The following FAM204A variants were observed in gnomAD, a reference collection of about 807,000 sequenced individuals.
The protein encoded by FAM204A is family with sequence similarity 204 member A, also known as protein FAM204A.
A neutral mutation model predicts 35.4 loss-of-function variants in FAM204A; 16 were observed. The observed-to-expected ratio is 0.45, with a 90% CI of 0.31 to 0.69. FAM204A has a LOEUF of 0.69. FAM204A is among the 30% of genes least tolerant of loss of function. The probability of loss-of-function intolerance (pLI) is 0.07; values close to 1 mark genes in which losing one functional copy is unlikely to be tolerated. For missense variants in FAM204A, 240 were observed against 265.7 expected, an observed-to-expected ratio of 0.90 and a Z score of 0.67; for synonymous variants, 76 against 86.9, an observed-to-expected ratio of 0.88 and a Z score of 0.70.
chr10:118,334,996 T>C, intron 6 of FAM204A, 118 bp downstream of exon 6: 1 of 663,300 alleles, frequency 1.5e-6, no homozygotes, highest in African/African-American at 1.8e-5. Flanking sequence ...AGCACCCTTT[T>C]TGGTATGCAG....
In FAM204A at chr10:118,335,598, G is replaced by C. The variant is rs1218893328; in HGVS notation, c.278C>G (p.Thr93Arg). ...LHKKHSEQKS[T>R]TSRFRGKRRK... Reference sequence around the variant, plus strand: ...TCTTTTCCCTCTGAATCTTGAGGTTGTGCTTTTCTGTTCAGAATGTTTTTT... The same window carrying C: ...TCTTTTCCCTCTGAATCTTGAGGTTCTGCTTTTCTGTTCAGAATGTTTTTT... Residue 93 changes from threonine (T) to arginine (R), a missense_variant, in exon 4 of 9, where the codon ACA (threonine) becomes AGA (arginine). Physicochemically the swap from Thr to Arg is moderately conservative, Grantham distance 71. Around this residue, in one of 2 missense-constraint regions of FAM204A, gnomAD observed 232 missense variants for 242.8 expected, o/e 0.96. Transcript: ENST00000369183. The C allele has an allele frequency of 1.2e-6, 2 of 1,610,754 alleles. No homozygotes were observed. The highest frequency in any genetic ancestry group is 2.7e-5 in the African/African-American group (2 of 74,818).
rs1233946470 is a variant in FAM204A, at chr10:118,301,464, G to C, written c.*9393C>G. The C allele has an allele frequency of 1.3e-5, 2 of 152,196 alleles. No homozygotes were observed. Among genetic ancestry groups the C allele is most frequent in the Admixed American group, 1.3e-4 (2 of 15,288 alleles). The allele number at this position is 152,196 out of a possible 1,614,324, so 9.4% of individuals were successfully genotyped here. A position where few individuals can be genotyped will look rare whatever the true frequency, so the allele number is the denominator to read the frequency against. On this transcript the variant is annotated 3_prime_UTR_variant, in exon 9 of 9. Transcript: ENST00000369183. ...TGTATACTGCATGACTTTCATTCAA[G>C]AACAGGAACTCTGAGTTAGGAAACC... is the stretch of plus-strand genomic sequence containing the variant.
intron 6 of FAM204A, among the ~76,000 whole-genome samples, chr10:118,327,653 G>A (rs531234249): frequency 6.6e-6 from 1 of 152,310 alleles, no homozygotes; most frequent in South Asian, 2.1e-4. Context: ...ATGCACTTCA[G>A]AAATCTATAC....
chr10:118,335,478 A>G (rs747192543), intron 4 of FAM204A, 52 bp from the exon 5 acceptor site: 72 of 1,596,642 alleles, frequency 4.5e-5, no homozygotes, highest in East Asian at 6.7e-5. Context: ...TTTCAAAACC[A>G]TATTTTAAAA....
In FAM204A at chr10:118,326,228, T is replaced by A; in HGVS notation, c.469A>T (p.Arg157Trp). 1 of 1,613,456 alleles carries A rather than the reference T, an allele frequency of 6.2e-7. No homozygotes were observed. The highest frequency in any genetic ancestry group is 1.1e-5 in the South Asian group (1 of 90,974). The change falls in exon 7 of 9, where the codon AGG becomes TGG. Residue 157 changes from arginine (R) to tryptophan (W), a missense_variant. Arg to Trp is a moderately radical substitution (Grantham distance 101). Transcript: ENST00000369183. ...KKVEKSGLEK[R>W]IDQAVEEWNI... Reference sequence around the variant, plus strand: ...CACTCCTCCACAGCCTGGTCTATCCTCTTTTCAAGGCCTGACTAGAAAAAA... The same window carrying A: ...CACTCCTCCACAGCCTGGTCTATCCACTTTTCAAGGCCTGACTAGAAAAAA...
At chr10:118,339,439 G>A (rs1245114596) in intron 2 of FAM204A, among the ~76,000 whole-genome samples, 1 of 152,144 alleles carries the variant, frequency 6.6e-6, no homozygotes, top group Non-Finnish European at 1.5e-5. Flanking sequence ...CTCTATAAGT[G>A]TCTCTTACTT....
Position 118,335,421 on chromosome 10 carries a change from A to G in FAM204A, c.328T>C (p.Leu110=), listed in dbSNP as rs754662914. The G allele has an allele frequency of 1.9e-6, 3 of 1,594,752 alleles. No homozygotes were observed. The highest frequency in any genetic ancestry group is 1.4e-5 in the African/African-American group (1 of 74,028). ...CTATGTAATTCTTTTTCATTCTTCAATTTATCTGAAAAGAATTCACAAAGT... is the reference window on the plus strand; with the variant it reads ...CTATGTAATTCTTTTTCATTCTTCAGTTTATCTGAAAAGAATTCACAAAGT... ...KRRKRSRKDK[L]KNEKELHSEP... Residue 110 remains leucine, a synonymous_variant, in exon 5 of 9, where the codon TTG becomes CTG. Coordinates refer to ENST00000369183, the MANE Select transcript of FAM204A (RefSeq NM_022063.3).
chr10:118,324,160 C>T (rs1846162225), intron 7 of FAM204A, among the ~76,000 whole-genome samples: 1 of 151,982 alleles, frequency 6.6e-6, no homozygotes, highest in Admixed American at 6.6e-5. Context: ...AAGCTATACT[C>T]AGTGAATCAA....
chr10:118,339,997 G>C (rs1015998089), intron 2 of FAM204A, among the ~76,000 whole-genome samples: 6 of 152,292 alleles, frequency 3.9e-5, no homozygotes, highest in Non-Finnish European at 8.8e-5. Context: ...ATCAAAAACA[G>C]GGTACAGTTC....
chr10:118,320,557 T>C (rs538333958), intron 7 of FAM204A, among the ~76,000 whole-genome samples: 7 of 150,904 alleles, frequency 4.6e-5, no homozygotes, highest in South Asian at 2.1e-4. Context: ...TTTATACACA[T>C]ACACACACAC....
rs547819694 is a variant in FAM204A, at chr10:118,336,726, TA to T, written c.-8-304del. On this transcript the variant is annotated intron_variant, in intron 2 of 8. Transcript: ENST00000369183. ...TCTCTAATATATGAGTAGTTTTGTCTAAAAAAAACATGAAATTCAGTAAAGC... is the reference window on the plus strand; with the variant it reads ...TCTCTAATATATGAGTAGTTTTGTCTAAAAAAACATGAAATTCAGTAAAGC... Among the ~76,000 whole-genome samples, 31 of 151,964 alleles carry T rather than the reference TA, an allele frequency of 2.0e-4. 1 individual carries two copies. In the East Asian group the frequency reaches 4.8e-3, roughly 24 times the overall value.
At chr10:118,320,235 C>T (rs1846091307) in intron 7 of FAM204A, among the ~76,000 whole-genome samples, 1 of 150,200 alleles carries the variant, frequency 6.7e-6, no homozygotes, top group African/African-American at 2.4e-5. Flanking sequence ...AATTTAAGCA[C>T]TCTATTTATA....
chr10:118,312,081 G>A (rs968353831), intron 7 of FAM204A, among the ~76,000 whole-genome samples: 11 of 152,166 alleles, frequency 7.2e-5, no homozygotes, highest in Admixed American at 5.9e-4. Context: ...TGCCCTGCAC[G>A]GCGCTCTGGC....
At position 118,331,645 on chromosome 10, in the gene FAM204A, A is replaced by G. The variant is rs181697860; in HGVS notation, c.453+3469T>C. Among the ~76,000 whole-genome samples the G allele has an allele frequency of 3.3e-5, 5 of 152,170 alleles. No homozygotes were observed. The East Asian group carries it at 9.7e-4, about 29-fold the overall frequency. On this transcript the variant is annotated intron_variant, in intron 6 of 8. Coordinates refer to ENST00000369183, the MANE Select transcript of FAM204A (RefSeq NM_022063.3). ...AATATATTTATATGAAAATTCTGCT[A>G]TTAAATATTTATTCTGTTAATATAT...
At chr10:118,331,185 C>CT (rs1846283307) in intron 6 of FAM204A, among the ~76,000 whole-genome samples, 1 of 152,104 alleles carries the variant, frequency 6.6e-6, no homozygotes, top group South Asian at 2.1e-4. Context: ...GAAATAGAGT[C>CT]TGAGTATTAA....
At position 118,301,804 on chromosome 10, in the gene FAM204A, G is replaced by A. The variant is rs1193368064; in HGVS notation, c.*9053C>T. ...TTCTCAGGAGAACCCAAGGTACAGAGAGATTAAGTAGCCTGCCGGAGGTTA... is the reference window on the plus strand; with the variant it reads ...TTCTCAGGAGAACCCAAGGTACAGAAAGATTAAGTAGCCTGCCGGAGGTTA... On this transcript the variant is annotated 3_prime_UTR_variant, in exon 9 of 9. Transcript: ENST00000369183. 1 of 152,204 alleles carries A rather than the reference G, an allele frequency of 6.6e-6. No individual in the cohort carries two copies. Among genetic ancestry groups the A allele is most frequent in the Non-Finnish European group, 1.5e-5 (1 of 68,028 alleles). 9.4% of individuals were successfully genotyped at this position (152,204 alleles called of 1,614,324 possible). A position where few individuals can be genotyped will look rare whatever the true frequency, so the allele number is the denominator to read the frequency against.
At chr10:118,321,580 T>C (rs1406861211) in intron 7 of FAM204A, among the ~76,000 whole-genome samples, 1 of 152,028 alleles carries the variant, frequency 6.6e-6, no homozygotes, top group Non-Finnish European at 1.5e-5. Flanking sequence ...AAACATTTAC[T>C]ATTCTTACAA....
rs1846195641 is a variant in FAM204A, at chr10:118,326,247, G to C, written c.454-4C>G. 6.2e-7 allele frequency: 1 copy of C among 1,605,854 alleles called. No individual in the cohort carries two copies. Among genetic ancestry groups the C allele is most frequent in the Non-Finnish European group, 8.5e-7 (1 of 1,176,518 alleles). Reference sequence around the variant, plus strand: ...CTATCCTCTTTTCAAGGCCTGACTAGAAAAAAAAGAAACCTAAAATTAAGG... The same window carrying C: ...CTATCCTCTTTTCAAGGCCTGACTACAAAAAAAAGAAACCTAAAATTAAGG... On this transcript the variant is annotated splice_polypyrimidine_tract_variant and splice_region_variant and intron_variant, in intron 6 of 8. Transcript: ENST00000369183.
chr10:118,303,169 A>C lies in FAM204A; in HGVS notation c.*7688T>G, dbSNP rs985040445. On this transcript the variant is annotated 3_prime_UTR_variant, in exon 9 of 9. Coordinates refer to ENST00000369183, the MANE Select transcript of FAM204A (RefSeq NM_022063.3). ...ATTTCCTCATCTAAAAAACAAGTAT[A>C]ATGTGTCTTTGGCTTTCTTAGAGGA... 1 of 152,204 alleles carries C rather than the reference A, an allele frequency of 6.6e-6. No individual in the cohort carries two copies. Among genetic ancestry groups the C allele is most frequent in the Non-Finnish European group, 1.5e-5 (1 of 68,038 alleles). 9.4% of individuals were successfully genotyped at this position (152,204 alleles called of 1,614,324 possible).
Sources: allele counts gnomAD v4.1 joint callset (sites outside exome capture counted in the v4.1 genomes callset), GRCh38; gene constraint gnomAD v4.1.1; regional missense constraint gnomAD v4.1.1; transcripts MANE v1.5; gene names NCBI Gene and HGNC (gene_info 2026-07-23, HGNC 2026-07-21).